The following TMEM18 variants were observed in gnomAD, a reference collection of about 807,000 sequenced individuals.
TMEM18 encodes transmembrane protein 18.
In TMEM18, 14 loss-of-function variants were observed where a neutral mutation model predicts 17.4. The ratio of observed to expected loss-of-function variants is 0.80; its 90% CI spans 0.53 to 1.25. The LOEUF is 1.25. Ranked by LOEUF, TMEM18 falls within the 50% of genes most tolerant of loss-of-function variation. The pLI is 0.00. For missense variants in TMEM18, 187 were observed against 172.1 expected (o/e 1.09, Z -0.48); for synonymous variants, 86 against 66.1 (o/e 1.30, Z -1.46).
At chr2:677,158 C>G in intron 1 of TMEM18, 131 bp downstream of exon 1, 2 of 1,196,938 alleles carry the variant, frequency 1.7e-6, no homozygotes. Flanking sequence ...CTGCCCAGCG[C>G]GCGCGCTCCG....
At chr2:670,638 T>C (rs965828326) in intron 3 of TMEM18, 2 of 152,500 alleles carry the variant, frequency 1.3e-5, no homozygotes, top group Non-Finnish European at 2.9e-5. Context: ...CTCTATACCA[T>C]GGGAGGCCCA....
Position 677,084 on chromosome 2 carries a change from G to T in TMEM18, c.57+205C>A. 7 of 526,552 alleles carry T rather than the reference G, an allele frequency of 1.3e-5. No individual in the cohort carries two copies. The South Asian group carries it at 1.4e-4, about 11-fold the overall frequency. The allele number at this position is 526,552 out of a possible 1,614,324, so 32.6% of individuals were successfully genotyped here. On this transcript the variant is annotated intron_variant, in intron 1 of 4. Transcript: ENST00000281017. The stretch of plus-strand genomic sequence containing the variant: ...CCCCGGCCCCCTCCCACAGGGCCCA[G>T]GACCCCGCCCACAGCGCGCGCCCCC...
intron 1 of TMEM18, chr2:675,899 G>A (rs1678991665): frequency 6.8e-7 from 1 of 1,463,086 alleles, no homozygotes; most frequent in Non-Finnish European, 9.1e-7. Context: ...CAGAACTGAA[G>A]GCATCTCTGA....
Position 669,493 on chromosome 2 carries a change from G to T in TMEM18, c.*87C>A. ...GGTTTTTCAAACCATGAGTCAGCTGGAAGGATGCCCACGCCACGCACACTG... is the reference window on the plus strand; with the variant it reads ...GGTTTTTCAAACCATGAGTCAGCTGTAAGGATGCCCACGCCACGCACACTG... On this transcript the variant is annotated 3_prime_UTR_variant, in exon 5 of 5. Transcript: ENST00000281017. 7.6e-7 allele frequency: 1 copy of T among 1,318,150 alleles called. No individual in the cohort carries two copies. The highest frequency in any genetic ancestry group is 1.1e-6 in the Non-Finnish European group (1 of 930,788). The allele number at this position is 1,318,150 out of a possible 1,614,324, so 81.7% of individuals were successfully genotyped here.
At chr2:673,011 G>A (rs1678896021) in intron 2 of TMEM18, 149 bp from the exon 3 acceptor site, 4 of 747,398 alleles carry the variant, frequency 5.4e-6, no homozygotes, top group Admixed American at 4.2e-5. Flanking sequence ...TTGTCAAGTC[G>A]TAGGACTCAC....
At chr2:675,702 T>C in intron 1 of TMEM18, 72 bp from the exon 2 acceptor site, 2 of 1,583,458 alleles carry the variant, frequency 1.3e-6, no homozygotes, top group South Asian at 1.1e-5. Flanking sequence ...CCCACAGCCT[T>C]CTCCCAGCGC....
rs903648265 is a variant in TMEM18 at position 668,055 on chromosome 2, A to T, written c.*1525T>A. The T allele has an allele frequency of 6.6e-6, 1 of 152,224 alleles. No individual in the cohort carries two copies. Among genetic ancestry groups the T allele is most frequent in the Admixed American group, 6.5e-5 (1 of 15,286 alleles). The allele number at this position is 152,224 out of a possible 1,614,324, so 9.4% of individuals were successfully genotyped here. On this transcript the variant is annotated 3_prime_UTR_variant, in exon 5 of 5. Transcript: ENST00000281017. Reference sequence around the variant, plus strand: ...GGAAACTTACAATCATGGCAGAGGGAGAAACAAGCACCTTCTTCACAAGGC... The same window carrying T: ...GGAAACTTACAATCATGGCAGAGGGTGAAACAAGCACCTTCTTCACAAGGC...
Position 667,626 on chromosome 2 carries a change from TG to T in TMEM18, c.*1953del, listed in dbSNP as rs771649588. ...TTGGCTTCTATGACTTTCCCTAAAA[TG>T]AGGACAACATATCAAGACAATTGTT... On this transcript the variant is annotated 3_prime_UTR_variant, in exon 5 of 5. Coordinates refer to ENST00000281017, the MANE Select transcript of TMEM18 (RefSeq NM_152834.4). The T allele has an allele frequency of 3.3e-5, 5 of 152,216 alleles. No homozygotes were observed. The highest frequency in any genetic ancestry group is 5.9e-5 in the Non-Finnish European group (4 of 68,038). 9.4% of individuals were successfully genotyped at this position (152,216 alleles called of 1,614,324 possible). A position where few individuals can be genotyped will look rare whatever the true frequency, so the allele number is the denominator to read the frequency against.
At chr2:672,392 C>T (rs535410838) in intron 3 of TMEM18, among the ~76,000 whole-genome samples, 49 of 152,196 alleles carry the variant, frequency 3.2e-4, no homozygotes, top group African/African-American at 1.1e-3. Context: ...GGGGATGAGG[C>T]AGGCAGGTGC....
rs866356753 is a variant in TMEM18, at chr2:672,729, C to T, written c.233+79G>A. 4.2e-5 allele frequency: 54 copies of T among 1,299,624 alleles called. No homozygotes were observed. The Middle Eastern group carries it at 6.6e-4, about 16-fold the overall frequency. 80.5% of individuals were successfully genotyped at this position (1,299,624 alleles called of 1,614,324 possible). A position where few individuals can be genotyped will look rare whatever the true frequency, so the allele number is the denominator to read the frequency against. ...CCACGTTAGGATTCACTGTCTCCTCCGCGAGTCCCACCGGCTGTGGGGCCA... is the reference window on the plus strand; with the variant it reads ...CCACGTTAGGATTCACTGTCTCCTCTGCGAGTCCCACCGGCTGTGGGGCCA... On this transcript the variant is annotated intron_variant, in intron 3 of 4. Coordinates refer to ENST00000281017, the MANE Select transcript of TMEM18 (RefSeq NM_152834.4).
rs1678687830 is a variant in TMEM18 at position 666,309 on chromosome 2, T to C, written c.*3271A>G. The stretch of plus-strand genomic sequence containing the variant: ...AAGGCTGCAGGGAGCTCCTTCTCTG[T>C]CCTCAGGTTCCTTTCAGGGCCTGTG... On this transcript the variant is annotated 3_prime_UTR_variant, in exon 5 of 5. Transcript: ENST00000281017. Among the ~76,000 whole-genome samples, 1 of 152,202 alleles carries C rather than the reference T, an allele frequency of 6.6e-6. No homozygotes were observed. The highest frequency in any genetic ancestry group is 6.5e-5 in the Admixed American group (1 of 15,274).
At chr2:676,780 C>A in intron 1 of TMEM18, 1 of 838,560 alleles carries the variant, frequency 1.2e-6, no homozygotes. Context: ...CACGCCCCGC[C>A]GCACTGCCAG....
chr2:668,800 C>T lies in TMEM18; in HGVS notation c.*780G>A, dbSNP rs1028913633. ...CCAAGCACCTAAATCAACAGAACACCAGGACATTAGGAAAGACACGCTTCT... is the reference window on the plus strand; with the variant it reads ...CCAAGCACCTAAATCAACAGAACACTAGGACATTAGGAAAGACACGCTTCT... On this transcript the variant is annotated 3_prime_UTR_variant, in exon 5 of 5. Transcript: ENST00000281017. 6.6e-6 allele frequency: 1 copy of T among 152,176 alleles called. No individual in the cohort carries two copies. Among genetic ancestry groups the T allele is most frequent in the Admixed American group, 6.5e-5 (1 of 15,280 alleles). The allele number at this position is 152,176 out of a possible 1,614,324, so 9.4% of individuals were successfully genotyped here. A position where few individuals can be genotyped will look rare whatever the true frequency, so the allele number is the denominator to read the frequency against.
At chr2:673,896 CA>C (rs1678927280) in intron 2 of TMEM18, among the ~76,000 whole-genome samples, 1 of 143,734 alleles carries the variant, frequency 7.0e-6, no homozygotes, top group African/African-American at 2.6e-5. Context: ...GCTGACGTTA[CA>C]GGGGGAAGGT....
At chr2:673,312 T>C (rs1412175055) in intron 2 of TMEM18, among the ~76,000 whole-genome samples, 1 of 152,036 alleles carries the variant, frequency 6.6e-6, no homozygotes, top group African/African-American at 2.4e-5. Context: ...ACACTGCCAC[T>C]GAGATGACCA....
rs773688363 is a variant in TMEM18, at chr2:669,816, C to T, written c.268G>A (p.Gly90Arg). The T allele has an allele frequency of 6.2e-7, 1 of 1,613,626 alleles. No homozygotes were observed. The highest frequency in any genetic ancestry group is 8.5e-7 in the Non-Finnish European group (1 of 1,179,968). The change falls in exon 4 of 5, where the codon GGG (glycine) becomes AGG (arginine). Residue 90 changes from glycine (G) to arginine (R), a missense_variant. Transcript: ENST00000281017. ...FSKYQYFDSRGMFISIVFSAP... is the reference protein window; with the variant it reads ...FSKYQYFDSRRMFISIVFSAP... ...GAAAATACTATAGAAATGAACATCC[C>T]CCTGGAGTCGAAATACTGGTATTTC... is the stretch of plus-strand genomic sequence containing the variant.
chr2:674,174 G>A (rs1226911616), intron 2 of TMEM18, among the ~76,000 whole-genome samples: 3 of 152,136 alleles, frequency 2.0e-5, no homozygotes, highest in Non-Finnish European at 2.9e-5. Flanking sequence ...GTATTACCCC[G>A]GTGTGAAAGC....
Position 663,939 on chromosome 2 carries a change from A to G in TMEM18, c.*5641T>C, listed in dbSNP as rs552978082. ...TATAAAGGTGTCACAGTTCTTGGCA[A>G]GTAAATCCATTCCTAGGTAAACCAT... On this transcript the variant is annotated 3_prime_UTR_variant, in exon 5 of 5. Coordinates refer to ENST00000281017, the MANE Select transcript of TMEM18 (RefSeq NM_152834.4). Among the ~76,000 whole-genome samples the G allele has an allele frequency of 6.6e-6, 1 of 152,378 alleles. No individual in the cohort carries two copies. Among genetic ancestry groups the G allele is most frequent in the Admixed American group, 6.5e-5 (1 of 15,306 alleles).
chr2:666,297 G>A lies in TMEM18; in HGVS notation c.*3283C>T, dbSNP rs1000001533. Among the ~76,000 whole-genome samples, 2 of 152,214 alleles carry A rather than the reference G, an allele frequency of 1.3e-5. No homozygotes were observed. Among genetic ancestry groups the A allele is most frequent in the Non-Finnish European group, 1.5e-5 (1 of 68,038 alleles). ...CTTGGCTGCCTGAAGGCTGCAGGGA[G>A]CTCCTTCTCTGTCCTCAGGTTCCTT... On this transcript the variant is annotated 3_prime_UTR_variant, in exon 5 of 5. Coordinates refer to ENST00000281017, the MANE Select transcript of TMEM18 (RefSeq NM_152834.4).
Sources: gnomAD v4.1 joint callset for allele counts (sites outside exome capture counted in the v4.1 genomes callset) on GRCh38, gnomAD v4.1.1 for gene constraint, MANE v1.5 for transcripts, NCBI Gene and HGNC (gene_info 2026-07-23, HGNC 2026-07-21) for gene names.